Variants in EFCAB11 observed in about 807,000 individuals in gnomAD.
EFCAB11 encodes the protein EF-hand calcium binding domain 11.
EFCAB11 carries 14 observed loss-of-function variants against 23.0 expected under a neutral mutation model. The observed-to-expected ratio is 0.61, with a 90% CI of 0.40 to 0.95. The LOEUF (loss-of-function observed/expected upper bound fraction) is 0.95, where lower values mean the gene tolerates loss of function less well. EFCAB11 is among the 40% of genes least tolerant of loss of function. The pLI, the probability that EFCAB11 is intolerant of heterozygous loss-of-function variation, is 0.00. For missense variants in EFCAB11, 198 were observed against 195.8 expected (o/e 1.01, Z -0.07); for synonymous variants, 65 against 66.6 (o/e 0.98, Z 0.11).
intron 5 of EFCAB11, among the ~76,000 whole-genome samples, chr14:89,906,468 T>C (rs1889504072): frequency 6.6e-6 from 1 of 152,212 alleles, no homozygotes; most frequent in Non-Finnish European, 1.5e-5. Context: ...AATTCATTAC[T>C]GCAACTCATT....
At chr14:89,871,157 T>C (rs1888256960) in intron 5 of EFCAB11, among the ~76,000 whole-genome samples, 1 of 152,186 alleles carries the variant, frequency 6.6e-6, no homozygotes, top group Non-Finnish European at 1.5e-5. Flanking sequence ...TAACTCCATG[T>C]GGGTCTGAAG....
intron 5 of EFCAB11, among the ~76,000 whole-genome samples, chr14:89,807,803 CT>C (rs1886018874): frequency 6.6e-6 from 1 of 151,966 alleles, no homozygotes; most frequent in African/African-American, 2.4e-5. Context: ...AAAAGTTTAT[CT>C]GGGAAAATAA....
intron 5 of EFCAB11, chr14:89,892,191 G>C: frequency 6.3e-7 from 1 of 1,584,410 alleles, no homozygotes; most frequent in East Asian, 2.3e-5. Flanking sequence ...GACCTGCAGA[G>C]CACCCGCTGT....
intron 5 of EFCAB11, among the ~76,000 whole-genome samples, chr14:89,897,268 C>T (rs1889198322): frequency 6.9e-6 from 1 of 144,076 alleles, no homozygotes; most frequent in African/African-American, 2.7e-5. Context: ...AGTGCAGTGG[C>T]GTGATCTTCG....
chr14:89,857,170 A>G (rs765001205), intron 5 of EFCAB11, among the ~76,000 whole-genome samples: 4 of 152,262 alleles, frequency 2.6e-5, no homozygotes, highest in Admixed American at 6.5e-5. Context: ...AGAGAAAAAG[A>G]AGATAATGGT....
Position 89,947,179 on chromosome 14 carries a change from C to G in EFCAB11, c.217+2918G>C, listed in dbSNP as rs564112277. Among the ~76,000 whole-genome samples, 429 of 152,266 alleles carry G rather than the reference C, an allele frequency of 2.8e-3. 2 individuals carry two copies. Among genetic ancestry groups the G allele is most frequent in the African/African-American group, 1.0e-2 (414 of 41,550 alleles). On this transcript the variant is annotated intron_variant, in intron 3 of 5. Coordinates refer to ENST00000316738, the MANE Select transcript of EFCAB11 (RefSeq NM_145231.4). ...ATCTGGGTAAAAGGTATACCTTACA[C>G]AGAGAGTAAGCTATTCTCTGTACTG...
At chr14:89,924,869 T>C (rs1234191087) in intron 5 of EFCAB11, among the ~76,000 whole-genome samples, 1 of 152,248 alleles carries the variant, frequency 6.6e-6, no homozygotes, top group Non-Finnish European at 1.5e-5. Context: ...GTATTTGGAA[T>C]AAGTGGCAAT....
intron 5 of EFCAB11, among the ~76,000 whole-genome samples, chr14:89,811,109 G>A (rs1230223537): frequency 6.6e-6 from 1 of 151,904 alleles, no homozygotes; most frequent in Non-Finnish European, 1.5e-5. Flanking sequence ...AGGTGCAGGT[G>A]GGGAAGAGTT....
chr14:89,939,460 G>A (rs1890714533), intron 3 of EFCAB11, among the ~76,000 whole-genome samples: 1 of 152,136 alleles, frequency 6.6e-6, no homozygotes, highest in Non-Finnish European at 1.5e-5. Context: ...GAGGGTCTCT[G>A]AAGAACTCTA....
chr14:89,927,814 C>T (rs904985706), intron 5 of EFCAB11, among the ~76,000 whole-genome samples: 16 of 152,162 alleles, frequency 1.1e-4, no homozygotes, highest in Middle Eastern at 3.4e-3. Context: ...TTCGACCTCC[C>T]GGGTTCAAGC....
intron 5 of EFCAB11, chr14:89,829,681 A>C (rs1013419881): frequency 2.0e-5 from 3 of 152,226 alleles, no homozygotes; most frequent in Non-Finnish European, 4.4e-5. Context: ...ATGAAAGTTC[A>C]AAGCTTGGAA....
intron 5 of EFCAB11, among the ~76,000 whole-genome samples, chr14:89,890,192 T>C (rs1283139275): frequency 2.6e-5 from 4 of 152,220 alleles, no homozygotes; most frequent in Non-Finnish European, 5.9e-5. Flanking sequence ...TCATAAATAA[T>C]GAATGCAATA....
Position 89,809,615 on chromosome 14 carries a change from T to C in EFCAB11, c.411-12291A>G, listed in dbSNP as rs557675139. ...GGATATTTATTAAACAAATTAAGTA[T>C]TTACATTATGCTCAAGCACAGACGC... On this transcript the variant is annotated intron_variant, in intron 5 of 5. Coordinates refer to ENST00000316738, the MANE Select transcript of EFCAB11 (RefSeq NM_145231.4). Among the ~76,000 whole-genome samples the C allele has an allele frequency of 3.6e-4, 55 of 152,264 alleles. No individual in the cohort carries two copies. In the Middle Eastern group the frequency reaches 0.01, roughly 28 times the overall value.
Position 89,913,472 on chromosome 14 carries a change from T to C in EFCAB11, c.410+18069A>G, listed in dbSNP as rs139866059. Among the ~76,000 whole-genome samples the C allele has an allele frequency of 1.5e-3, 226 of 152,256 alleles. 1 individual carries two copies. Among genetic ancestry groups the C allele is most frequent in the Admixed American group, 2.6e-3 (40 of 15,288 alleles). On this transcript the variant is annotated intron_variant, in intron 5 of 5. Transcript: ENST00000316738. ...GACTTCCATTTTCTTAGCTAGAAAA[T>C]AAGGGAGATGGCATATGTGATTCCT...
intron 5 of EFCAB11, among the ~76,000 whole-genome samples, chr14:89,915,475 G>A (rs188117784): frequency 6.6e-6 from 1 of 152,318 alleles, no homozygotes; most frequent in Non-Finnish European, 1.5e-5. Context: ...TGAAAGAGGT[G>A]TACTGCAAAG....
intron 5 of EFCAB11, among the ~76,000 whole-genome samples, chr14:89,836,863 T>TA (rs1466115144): frequency 2.0e-5 from 3 of 151,948 alleles, no homozygotes; most frequent in African/African-American, 7.3e-5. Context: ...TACTAAAAAT[T>TA]AAAAAATTAG....
intron 5 of EFCAB11, among the ~76,000 whole-genome samples, chr14:89,854,547 C>A (rs1313447701): frequency 6.6e-6 from 1 of 152,220 alleles, no homozygotes; most frequent in Non-Finnish European, 1.5e-5. Flanking sequence ...TACATGCCTA[C>A]GATCCAGCTG....
intron 5 of EFCAB11, chr14:89,892,259 A>G (rs1888995714): frequency 6.2e-7 from 1 of 1,612,976 alleles, no homozygotes; most frequent in South Asian, 1.1e-5. Context: ...CTTCGTGGAG[A>G]CCTCTGTTAA....
chr14:89,832,316 G>A (rs1033858827), intron 5 of EFCAB11, among the ~76,000 whole-genome samples: 3 of 151,994 alleles, frequency 2.0e-5, no homozygotes, highest in Non-Finnish European at 2.9e-5. Context: ...GCGAGACTCC[G>A]TTTCAAAACA....
Sources: gnomAD v4.1 joint callset for allele counts (sites outside exome capture counted in the v4.1 genomes callset) on GRCh38, gnomAD v4.1.1 for gene constraint, MANE v1.5 for transcripts, NCBI Gene and HGNC (gene_info 2026-07-23, HGNC 2026-07-21) for gene names.